Variants in CFAP61 observed in about 807,000 individuals in gnomAD.
CFAP61 encodes the protein cilia- and flagella-associated protein 61.
A neutral mutation model predicts 135.6 loss-of-function variants in CFAP61; 107 were observed. That is an observed-to-expected ratio of 0.79 (90% CI 0.67 to 0.93). CFAP61 has a LOEUF of 0.93. CFAP61 is among the 40% of genes least tolerant of loss of function. CFAP61 has a pLI of 0.00. For synonymous variants in CFAP61, 575 were observed against 578.5 expected, an observed-to-expected ratio of 0.99 and a Z score of 0.09; for missense variants, 1,507 against 1,556.2, an observed-to-expected ratio of 0.97 and a Z score of 0.53.
At chr20:20,306,573 G>A (rs2056488929) in intron 25 of CFAP61, among the ~76,000 whole-genome samples, 1 of 152,100 alleles carries the variant, frequency 6.6e-6, no homozygotes, top group African/African-American at 2.4e-5. Context: ...TTTTATTAAT[G>A]AGAATGTAAG....
chr20:20,098,607 CAAAAAAAA>C (rs10651068), intron 7 of CFAP61, 40 bp from the exon 8 acceptor site: 1 of 1,190,564 alleles, frequency 8.4e-7, no homozygotes, highest in Non-Finnish European at 1.1e-6. Flanking sequence ...GACTTTGTCT[CAAAAAAAA>C]AAAAAAAAAA....
intron 2 of CFAP61, among the ~76,000 whole-genome samples, chr20:20,059,326 CAAA>C (rs11458923): frequency 2.0e-4 from 9 of 45,494 alleles, no homozygotes; most frequent in East Asian, 9.2e-4. Flanking sequence ...GACTCTGTCT[CAAA>C]AAAAAAAAAA....
chr20:20,150,769 GT>G (rs2052344589), intron 9 of CFAP61, among the ~76,000 whole-genome samples: 1 of 152,170 alleles, frequency 6.6e-6, no homozygotes, highest in Non-Finnish European at 1.5e-5. Context: ...CCAGAGCCTG[GT>G]AGCCCCACTG....
intron 9 of CFAP61, among the ~76,000 whole-genome samples, chr20:20,148,924 A>G (rs2052150047): frequency 6.6e-6 from 1 of 152,002 alleles, no homozygotes; most frequent in Non-Finnish European, 1.5e-5. Flanking sequence ...GATGTTGACA[A>G]TACTTTCTTA....
Position 20,164,196 on chromosome 20 carries a change from G to T in CFAP61, c.1173G>T (p.Gln391His), listed in dbSNP as rs1333916461. 6.8e-6 allele frequency: 11 copies of T among 1,613,928 alleles called. No individual in the cohort carries two copies. Among genetic ancestry groups the T allele is most frequent in the Non-Finnish European group, 8.5e-6 (10 of 1,179,886 alleles). ...YRGASAAFCI[Q>H]LFCIDEKYEA... ...GAGCCTCAGCTGCTTTTTGTATTCA[G>T]CTGTTTTGTATTGATGAGAAATATG... Residue 391 changes from glutamine (Q) to histidine (H), a missense_variant, in exon 11 of 27, where the codon CAG (glutamine) becomes CAT (histidine). Physicochemically the swap from Gln to His is conservative, Grantham distance 24. Transcript: ENST00000245957.
intron 8 of CFAP61, among the ~76,000 whole-genome samples, chr20:20,125,276 T>A (rs1009398748): frequency 1.3e-5 from 2 of 151,786 alleles, no homozygotes; most frequent in African/African-American, 4.9e-5. Context: ...TTTGGTTTGT[T>A]CTTCTTTCTC....
At chr20:20,086,574 A>G (rs2046818722) in intron 6 of CFAP61, among the ~76,000 whole-genome samples, 2 of 152,192 alleles carry the variant, frequency 1.3e-5, no homozygotes, top group South Asian at 4.1e-4. Flanking sequence ...TGATGCCACC[A>G]GCATGGGACC....
At chr20:20,090,721 G>A (rs1303973567) in intron 6 of CFAP61, 123 bp from the exon 7 acceptor site, 9 of 645,134 alleles carry the variant, frequency 1.4e-5, no homozygotes, top group Non-Finnish European at 2.4e-5. Flanking sequence ...AAGAAGGAAA[G>A]TTGATATCAT....
intron 16 of CFAP61, among the ~76,000 whole-genome samples, chr20:20,197,284 G>A (rs2056357081): frequency 6.6e-6 from 1 of 152,196 alleles, no homozygotes; most frequent in African/African-American, 2.4e-5. Context: ...GTAACCCCAT[G>A]TAACACTTGC....
At chr20:20,115,646 G>A (rs1385674739) in intron 8 of CFAP61, among the ~76,000 whole-genome samples, 1 of 151,956 alleles carries the variant, frequency 6.6e-6, no homozygotes, top group Non-Finnish European at 1.5e-5. Context: ...CACCTTCATA[G>A]ATCCATTTTT....
chr20:20,307,538 ATACAG>A (rs1479095114), intron 25 of CFAP61, among the ~76,000 whole-genome samples: 1 of 152,212 alleles, frequency 6.6e-6, no homozygotes, highest in African/African-American at 2.4e-5. Flanking sequence ...CCAGCCTTCT[ATACAG>A]TATTCCCTCC....
intron 25 of CFAP61, among the ~76,000 whole-genome samples, chr20:20,312,565 A>AGGGGATAT: frequency 6.6e-6 from 1 of 152,226 alleles, no homozygotes; most frequent in Admixed American, 6.5e-5. Flanking sequence ...AATTTTTCCA[A>AGGGGATAT]ATTTGATGAA....
chr20:20,336,528 G>A (rs1459348058), intron 25 of CFAP61, among the ~76,000 whole-genome samples: 1 of 152,010 alleles, frequency 6.6e-6, no homozygotes, highest in South Asian at 2.1e-4. Flanking sequence ...GAGAGGCTGA[G>A]GCAGGAGGAT....
chr20:20,357,092 C>G (rs1490005278), intron 26 of CFAP61, among the ~76,000 whole-genome samples: 36 of 103,386 alleles, frequency 3.5e-4, no homozygotes, highest in South Asian at 7.5e-4. Context: ...GGTGGTCACA[C>G]TGAGGGGAGG....
At chr20:20,260,198 A>G (rs2052043432) in intron 20 of CFAP61, among the ~76,000 whole-genome samples, 1 of 152,230 alleles carries the variant, frequency 6.6e-6, no homozygotes, top group African/African-American at 2.4e-5. Flanking sequence ...GTATGTGATG[A>G]ACCATTCAGA....
At chr20:20,279,182 C>G (rs2053996562) in intron 22 of CFAP61, among the ~76,000 whole-genome samples, 1 of 152,092 alleles carries the variant, frequency 6.6e-6, no homozygotes, top group Admixed American at 6.6e-5. Flanking sequence ...CTTTCCTATT[C>G]AGATTAGAAT....
Position 20,341,907 on chromosome 20 carries a change from T to C in CFAP61, c.3499T>C (p.Leu1167=). ...IDLRKELRQI[L]ASKEEEDLPS... ...TCTCAGGAAAGAGTTACGCCAAATCTTAGCCTCCAAGGAGGTAAGAGTGAT... is the reference window on the plus strand; with the variant it reads ...TCTCAGGAAAGAGTTACGCCAAATCCTAGCCTCCAAGGAGGTAAGAGTGAT... The change falls in exon 26 of 27, where the codon TTA becomes CTA. Residue 1167 remains leucine, a synonymous_variant. Transcript: ENST00000245957. 1 of 1,612,642 alleles carries C rather than the reference T, an allele frequency of 6.2e-7. No individual in the cohort carries two copies. The highest frequency in any genetic ancestry group is 1.1e-5 in the South Asian group (1 of 90,962).
At chr20:20,214,712 A>T (rs2047917205) in intron 17 of CFAP61, among the ~76,000 whole-genome samples, 1 of 152,254 alleles carries the variant, frequency 6.6e-6, no homozygotes, top group South Asian at 2.1e-4. Flanking sequence ...AACAGCAGTC[A>T]CTATTAGAGA....
At chr20:20,080,289 C>G (rs569613474) in intron 6 of CFAP61, among the ~76,000 whole-genome samples, 27 of 152,170 alleles carry the variant, frequency 1.8e-4, no homozygotes, top group African/African-American at 6.0e-4. Flanking sequence ...TTATATTTTT[C>G]ACTTAACATA....
Sources: allele counts gnomAD v4.1 joint callset (sites outside exome capture counted in the v4.1 genomes callset), GRCh38; gene constraint gnomAD v4.1.1; transcripts MANE v1.5; gene names NCBI Gene and HGNC (gene_info 2026-07-23, HGNC 2026-07-21).